The following ITIH6 variants were observed in gnomAD, a reference collection of about 807,000 sequenced individuals.
ITIH6 encodes inter-alpha-trypsin inhibitor heavy chain H6.
A neutral mutation model predicts 58.2 loss-of-function variants in ITIH6; 60 were observed. The ratio of observed to expected loss-of-function variants is 1.03; its 90% confidence interval spans 0.84 to 1.28. The LOEUF (loss-of-function observed/expected upper bound fraction) is 1.28, where lower values mean the gene tolerates loss of function less well. ITIH6 is among the 50% of genes most tolerant of loss of function. ITIH6 has a pLI of 0.00. For missense variants in ITIH6, 1,290 were observed against 1,021.1 expected, an observed-to-expected ratio of 1.26 and a Z score of -3.59; for synonymous variants, 493 against 417.4, an observed-to-expected ratio of 1.18 and a Z score of -2.21.
intron 6 of ITIH6, among the ~76,000 whole-genome samples, chrX:54,767,074 A>G (rs1928806498): frequency 9.0e-6 from 1 of 110,499 alleles, no homozygotes; most frequent in Non-Finnish European, 1.9e-5. Flanking sequence ...AGCTCCTGTT[A>G]TTGGTCTATT....
chrX:54,765,586 TTTC>T (rs1362863968), intron 6 of ITIH6, among the ~76,000 whole-genome samples: 6 of 103,107 alleles, frequency 5.8e-5, no homozygotes, highest in Non-Finnish European at 1.2e-4. Flanking sequence ...AGCGGCATTA[TTTC>T]TTTTCTTTTT....
intron 6 of ITIH6, among the ~76,000 whole-genome samples, chrX:54,760,471 G>A (rs1311992060): frequency 9.0e-6 from 1 of 111,148 alleles, no homozygotes; most frequent in Non-Finnish European, 1.9e-5. Context: ...TTAAGCTCTA[G>A]GGTACATGTA....
chrX:54,751,317 C>T lies in ITIH6; in HGVS notation c.3416G>A (p.Arg1139His), dbSNP rs1308877323. Residue 1139 changes from arginine to histidine, a missense_variant, in exon 12 of 13, where the codon CGC becomes CAC. Arg to His is a conservative substitution (Grantham distance 29, BLOSUM62 0). Coordinates refer to ENST00000218436, the MANE Select transcript of ITIH6 (RefSeq NM_198510.3). ...GACTGTGATGATCTGGAAGTAGGTG[C>T]GAGTCTGGTCCTTGTGGCCCGGCCT... ...PPRPGHKDQTRTYFQIITVTT... is the reference protein window; with the variant it reads ...PPRPGHKDQTHTYFQIITVTT... The T allele has an allele frequency of 3.3e-6, 4 of 1,211,613 alleles. No homozygotes were observed. Among genetic ancestry groups the T allele is most frequent in the South Asian group, 1.8e-5 (1 of 56,958 alleles).
chrX:54,758,495 C>T lies in ITIH6; in HGVS notation c.1579G>A (p.Asp527Asn). The stretch of plus-strand genomic sequence containing the variant: ...CTGTGGTGGGCCACAAGAAGCTGAT[C>T]CTTGGGGCCACGGGCTGCCAGGTGG... Reference protein sequence around the residue: ...GIHLAARGPKDQLLVAHHSEG... With the variant: ...GIHLAARGPKNQLLVAHHSEG... The change falls in exon 8 of 13, where the codon GAT becomes AAT. Residue 527 changes from aspartate (D) to asparagine (N), a missense_variant. By Grantham distance (23) the Asp-to-Asn change is conservative. Transcript: ENST00000218436. The T allele has an allele frequency of 1.6e-5, 19 of 1,210,526 alleles. No individual in the cohort carries two copies. Among genetic ancestry groups the T allele is most frequent in the East Asian group, 5.9e-5 (2 of 33,765 alleles).
intron 5 of ITIH6, among the ~76,000 whole-genome samples, chrX:54,778,358 C>A (rs1264520517): frequency 3.6e-5 from 4 of 110,354 alleles, no homozygotes; most frequent in African/African-American, 1.3e-4. Context: ...CCATGCCCGG[C>A]TAATTTTTGT....
In ITIH6 at chrX:54,790,941, AC is replaced by A; in HGVS notation, c.511del (p.Val171Ter). 1 of 1,211,997 alleles carries A rather than the reference AC, an allele frequency of 8.3e-7. No homozygotes were observed. Among genetic ancestry groups the A allele is most frequent in the South Asian group, 1.8e-5 (1 of 57,024 alleles). On this transcript the variant is annotated frameshift_variant, in exon 4 of 13. Coordinates refer to ENST00000218436, the MANE Select transcript of ITIH6 (RefSeq NM_198510.3). LOFTEE classifies it high-confidence loss of function. ...TGTAACCTCTATGCTCAGCCTCTTC[AC>A]CAATTGGCCAGGCCTCAGGCTCACC... ...LVVSLRPGQLVKRLSIEVTVS... is the reference protein window; with the variant it reads ...LVVSLRPGQLXKRLSIEVTVS...
intron 6 of ITIH6, among the ~76,000 whole-genome samples, chrX:54,762,999 A>G (rs1408076145): frequency 8.9e-6 from 1 of 112,113 alleles, no homozygotes; most frequent in Non-Finnish European, 1.9e-5. Context: ...TGACACTGAG[A>G]CTCAGAGAGG....
At position 54,759,753 on chromosome X, in the gene ITIH6, T is replaced by C; in HGVS notation, c.1075+3A>G. ...CATTTGGGTGGGTAGATCTAACACT[T>C]ACAGCCATCGGCTTCCATGCAATGC... On this transcript the variant is annotated splice_donor_region_variant and intron_variant, in intron 7 of 12. Transcript: ENST00000218436. 1 of 1,204,410 alleles carries C rather than the reference T, an allele frequency of 8.3e-7. No homozygotes were observed. Among genetic ancestry groups the C allele is most frequent in the Non-Finnish European group, 1.1e-6 (1 of 891,530 alleles).
At position 54,766,789 on chromosome X, in the gene ITIH6, G is replaced by A. The variant is rs1221325050; in HGVS notation, c.904-6862C>T. Among the ~76,000 whole-genome samples, 8 of 101,735 alleles carry A rather than the reference G, an allele frequency of 7.9e-5. 1 individual carries two copies. Among genetic ancestry groups the A allele is most frequent in the African/African-American group, 3.3e-4 (8 of 24,058 alleles). The allele number at this position is 101,735 out of a possible 115,157, so 88.3% of individuals were successfully genotyped here. A position where few individuals can be genotyped will look rare whatever the true frequency, so the allele number is the denominator to read the frequency against. ...TTTGATGTGCTGCTGGATTTGGTTT[G>A]CCAGTATTTTATTGAGGATTTTTGC... On this transcript the variant is annotated intron_variant, in intron 6 of 12. Coordinates refer to ENST00000218436, the MANE Select transcript of ITIH6 (RefSeq NM_198510.3).
Position 54,751,384 on chromosome X carries a change from G to A in ITIH6, c.3353-4C>T. 8.3e-7 allele frequency: 1 copy of A among 1,208,498 alleles called. No individual in the cohort carries two copies. The highest frequency in any genetic ancestry group is 3.0e-5 in the East Asian group (1 of 33,793). On this transcript the variant is annotated splice_polypyrimidine_tract_variant and splice_region_variant and intron_variant, in intron 11 of 12. Coordinates refer to ENST00000218436, the MANE Select transcript of ITIH6 (RefSeq NM_198510.3). ...AGCTTCCCACTCACATGCAGCCCTG[G>A]AGGGAGGGGAGTGTGGGCCTGGAGC...
In ITIH6 at chrX:54,755,021, T is replaced by A; in HGVS notation, c.3198A>T (p.Ala1066=). 8.3e-7 allele frequency: 1 copy of A among 1,206,067 alleles called. No homozygotes were observed. Residue 1066 remains alanine, a synonymous_variant, in exon 9 of 13, where the codon GCA becomes GCT. Transcript: ENST00000218436. ...TCAGGAGAGCTCCTTGCTCACCTTT[T>A]GCTAACCCCACAGAACTTCCTTGAG... is the stretch of plus-strand genomic sequence containing the variant. The part of the protein sequence containing the change: ...MESQGSSVGL[A]KGTLPSIFTF...
intron 6 of ITIH6, 143 bp from the exon 7 acceptor site, chrX:54,760,070 T>C: frequency 4.1e-6 from 2 of 487,328 alleles, no homozygotes; most frequent in East Asian, 3.6e-5. Flanking sequence ...GAATCTAGGA[T>C]TCTCAGGTGA....
chrX:54,772,657 G>A (rs1928976845), intron 6 of ITIH6, among the ~76,000 whole-genome samples: 1 of 112,500 alleles, frequency 8.9e-6, no homozygotes, highest in Non-Finnish European at 1.9e-5. Context: ...AAAGCCAGAC[G>A]TGATGTATCA....
rs1487733909 is a variant in ITIH6, at chrX:54,749,877, T to C, written c.*18A>G. The C allele has an allele frequency of 4.2e-6, 5 of 1,186,939 alleles. No individual in the cohort carries two copies. The highest frequency in any genetic ancestry group is 2.5e-4 in the Middle Eastern group (1 of 4,066). On this transcript the variant is annotated 3_prime_UTR_variant, in exon 13 of 13. Coordinates refer to ENST00000218436, the MANE Select transcript of ITIH6 (RefSeq NM_198510.3). ...ATCTCCCAAATTCAGGTCTCCTGGC[T>C]CTGGAATTCAGAAGCCATCACAGGA...
chrX:54,777,811 C>T (rs1038675585), intron 5 of ITIH6, among the ~76,000 whole-genome samples: 20 of 112,409 alleles, frequency 1.8e-4, no homozygotes, highest in Admixed American at 9.4e-4. Flanking sequence ...ATTTGAATAT[C>T]TGGAAAGTCT....
At position 54,750,049 on chromosome X, in the gene ITIH6, C is replaced by T. The variant is rs746327095; in HGVS notation, c.3788G>A (p.Arg1263Gln). Residue 1263 changes from arginine to glutamine, a missense_variant, in exon 13 of 13, where the codon CGA becomes CAA. Arg to Gln is a conservative substitution (Grantham distance 43, BLOSUM62 1). Coordinates refer to ENST00000218436, the MANE Select transcript of ITIH6 (RefSeq NM_198510.3). The stretch of plus-strand genomic sequence containing the variant: ...AGGCACATCTGGGCCATGGTGCCTT[C>T]GTAAGCATGGCCCCATAGGTCCTGT... Reference protein sequence around the residue: ...LVTGPMGPCLRRHHGPDVPVI... With the variant: ...LVTGPMGPCLQRHHGPDVPVI... 1.3e-5 allele frequency: 16 copies of T among 1,209,376 alleles called. No homozygotes were observed. Among genetic ancestry groups the T allele is most frequent in the South Asian group, 3.5e-5 (2 of 56,671 alleles).
Position 54,757,052 on chromosome X carries a change from G to C in ITIH6, c.3022C>G (p.Leu1008Val), listed in dbSNP as rs761886798. ...SLLLLPEELE[L>V]LSESMVESKF... is the part of the protein sequence containing the mutation. ...GATTCCACCATTGATTCAGACAGCAGCTCTAGCTCCTCAGGGAGAAGGAGC... is the reference window on the plus strand; with the variant it reads ...GATTCCACCATTGATTCAGACAGCACCTCTAGCTCCTCAGGGAGAAGGAGC... The change falls in exon 8 of 13, where the codon CTG becomes GTG. Residue 1008 changes from leucine (L) to valine (V), a missense_variant. By Grantham distance (32) the Leu-to-Val change is conservative. Transcript: ENST00000218436. 10 of 1,209,631 alleles carry C rather than the reference G, an allele frequency of 8.3e-6. No individual in the cohort carries two copies. The South Asian group carries it at 1.6e-4, about 19-fold the overall frequency.
At position 54,758,375 on chromosome X, in the gene ITIH6, C is replaced by T. The variant is rs958218160; in HGVS notation, c.1699G>A (p.Val567Ile). ...AHFIRRLWAY[V>I]TIGELLDAHF... ...GCATCCAGCAGTTCTCCAATGGTGA[C>T]ATAGGCCCAGAGGCGGCGGATGAAG... The change falls in exon 8 of 13, where the codon GTC becomes ATC. Residue 567 changes from valine (V) to isoleucine (I), a missense_variant. Val to Ile is a conservative substitution (Grantham distance 29). Transcript: ENST00000218436. 2.5e-6 allele frequency: 3 copies of T among 1,210,390 alleles called. No homozygotes were observed. In the African/African-American group the frequency reaches 5.2e-5, roughly 21 times the overall value.
At position 54,781,038 on chromosome X, in the gene ITIH6, T is replaced by C. The variant is rs192202452; in HGVS notation, c.787-6841A>G. On this transcript the variant is annotated intron_variant, in intron 5 of 12. Coordinates refer to ENST00000218436, the MANE Select transcript of ITIH6 (RefSeq NM_198510.3). ...TGGTGGTGGGATAACAGGCAAGCCA[T>C]TTGCAGAAAAATGAAACTGGACCCC... is the stretch of plus-strand genomic sequence containing the variant. 5.4e-4 allele frequency among the ~76,000 whole-genome samples: 60 copies of C among 111,525 alleles called. No individual in the cohort carries two copies. In the East Asian group the frequency reaches 0.016, roughly 29 times the overall value.
Sources: allele counts gnomAD v4.1 joint callset (sites outside exome capture counted in the v4.1 genomes callset), GRCh38; gene constraint gnomAD v4.1.1; transcripts MANE v1.5; gene names NCBI Gene and HGNC (gene_info 2026-07-23, HGNC 2026-07-21).